Variants in AHCY observed in about 807,000 individuals in gnomAD.
AHCY encodes the protein S-adenosyl-L-homocysteine hydrolase.
AHCY carries 24 observed loss-of-function variants against 45.4 expected under a neutral mutation model. The observed-to-expected ratio is 0.53, with a 90% confidence interval of 0.38 to 0.74. The LOEUF (loss-of-function observed/expected upper bound fraction) is 0.74. Among genes scored for constraint, AHCY ranks in the 30% least tolerant of loss-of-function variants. The pLI is 0.00. For synonymous variants in AHCY, 245 were observed against 235.1 expected, an observed-to-expected ratio of 1.04 and a Z score of -0.39; for missense variants, 449 against 594.1, an observed-to-expected ratio of 0.76 and a Z score of 2.54.
the AHCY span, chr20:34,269,309 T>C: frequency 2.1e-5 from 23 of 1,107,222 alleles, no homozygotes; most frequent in Non-Finnish European, 2.7e-5. Flanking sequence ...AGACCTGGCT[T>C]GGGCTAAAAT....
At chr20:34,236,488 G>C in the AHCY span, among the ~76,000 whole-genome samples, 1 of 152,002 alleles carries the variant, frequency 6.6e-6, no homozygotes, top group Non-Finnish European at 1.5e-5. Flanking sequence ...ACGTTGCAGT[G>C]AGCTGAGATT....
At chr20:34,292,573 T>C (rs2036435574) in intron 3 of AHCY, 66 bp from the exon 4 acceptor site, 1 of 1,609,718 alleles carries the variant, frequency 6.2e-7, no homozygotes, top group Non-Finnish European at 8.5e-7. Context: ...GGAACAACTC[T>C]GGCAGAGCCA....
chr20:34,232,474 C>T, the AHCY span, among the ~76,000 whole-genome samples: 1 of 152,142 alleles, frequency 6.6e-6, no homozygotes, highest in African/African-American at 2.4e-5. Flanking sequence ...TCTCATACAG[C>T]ATAGACCACT....
chr20:34,298,043 G>A (rs1213912715), intron 1 of AHCY, among the ~76,000 whole-genome samples: 3 of 152,144 alleles, frequency 2.0e-5, no homozygotes, highest in African/African-American at 7.2e-5. Flanking sequence ...GGAGGCTGAG[G>A]CAGGAGAATC....
chr20:34,238,235 G>T, the AHCY span, among the ~76,000 whole-genome samples: 1 of 151,966 alleles, frequency 6.6e-6, no homozygotes, highest in Non-Finnish European at 1.5e-5. Flanking sequence ...AATATTCTGG[G>T]TTTTTTTCTC....
chr20:34,250,433 T>C, the AHCY span, among the ~76,000 whole-genome samples: 2 of 152,224 alleles, frequency 1.3e-5, no homozygotes, highest in African/African-American at 4.8e-5. Context: ...CTTGAGTGGC[T>C]GAGGCAGGAG....
chr20:34,257,070 CT>C, the AHCY span, among the ~76,000 whole-genome samples: 45 of 139,364 alleles, frequency 3.2e-4, no homozygotes, highest in Middle Eastern at 3.6e-3. Flanking sequence ...CTTTCTTTCT[CT>C]TTTTTTTTTT....
upstream of AHCY, among the ~76,000 whole-genome samples, chr20:34,306,311 AT>A (rs2036895647): frequency 6.6e-6 from 1 of 151,934 alleles, no homozygotes; most frequent in African/African-American, 2.4e-5. Flanking sequence ...TAGCAGCAGA[AT>A]GTTCTAGCCT....
chr20:34,303,412 C>A, upstream of AHCY: 1 of 1,252,570 alleles, frequency 8.0e-7, no homozygotes. Flanking sequence ...ATATTCATGA[C>A]CCGCTGGGGC....
At position 34,281,053 on chromosome 20, in the gene AHCY, G is replaced by A. The variant is rs377090568; in HGVS notation, c.1280C>T (p.Pro427Leu). ...TGGCTCTCAGTAGCGGTAGTGATCC[G>A]GCTTGAAGGGGCCATCACAGGACAT... is the stretch of plus-strand genomic sequence containing the variant. ...LGMSCDGPFK[P>L]DHYRY The change falls in exon 10 of 10, where the codon CCG becomes CTG. Residue 427 changes from proline (P) to leucine (L), a missense_variant. Pro to Leu is a moderately conservative substitution (Grantham distance 98). Coordinates refer to ENST00000217426, the MANE Select transcript of AHCY (RefSeq NM_000687.4). 31 of 1,614,142 alleles carry A rather than the reference G, an allele frequency of 1.9e-5. No homozygotes were observed. Among genetic ancestry groups the A allele is most frequent in the African/African-American group, 4.0e-5 (3 of 75,038 alleles).
At chr20:34,238,858 T>C in the AHCY span, among the ~76,000 whole-genome samples, 2 of 152,334 alleles carry the variant, frequency 1.3e-5, no homozygotes, top group Middle Eastern at 3.4e-3. Flanking sequence ...TTTATTGTTA[T>C]AGGCTATCTC....
chr20:34,247,370 G>A, the AHCY span, among the ~76,000 whole-genome samples: 4 of 146,004 alleles, frequency 2.7e-5, no homozygotes, highest in East Asian at 2.0e-4. Context: ...GTGTGATCTC[G>A]GCTCACTGCA....
chr20:34,308,884 G>A (rs1689211973), intron 1 of AHCY, among the ~76,000 whole-genome samples: 1 of 150,978 alleles, frequency 6.6e-6, no homozygotes, highest in Non-Finnish European at 1.5e-5. Flanking sequence ...GAACTTCTGA[G>A]CCCAGGTGAT....
the AHCY span, among the ~76,000 whole-genome samples, chr20:34,243,245 G>T: frequency 2.0e-5 from 3 of 152,176 alleles, no homozygotes; most frequent in Non-Finnish European, 2.9e-5. Context: ...CCCTCAGGCA[G>T]TCTGGGCCTG....
chr20:34,256,527 TC>T, the AHCY span, among the ~76,000 whole-genome samples: 2 of 152,084 alleles, frequency 1.3e-5, no homozygotes, highest in African/African-American at 4.8e-5. Context: ...GGTCTCAAAT[TC>T]CTAAGATCAA....
At position 34,295,575 on chromosome 20, in the gene AHCY, G is replaced by A. The variant is rs1368322694; in HGVS notation, c.39C>T (p.Gly13=). The A allele has an allele frequency of 6.2e-7, 1 of 1,614,094 alleles. No individual in the cohort carries two copies. The highest frequency in any genetic ancestry group is 1.7e-4 in the Middle Eastern group (1 of 6,058). ...GGGCCTTGCGTCCCCAGGCAGCCAG[G>A]CCGATGTCGGCTACGGGAGGAAACA... ...DKLPYKVADI[G]LAAWGRKALD... is the part of the protein sequence containing the mutation. The change falls in exon 2 of 10, where the codon GGC becomes GGT. Residue 13 remains glycine, a synonymous_variant. Transcript: ENST00000217426.
intron 4 of AHCY, 133 bp downstream of exon 4, chr20:34,292,225 C>G: frequency 8.0e-7 from 1 of 1,254,442 alleles, no homozygotes; most frequent in Non-Finnish European, 1.1e-6. Flanking sequence ...AATGCCAGAG[C>G]CTGCCATCCT....
chr20:34,295,913 C>T (rs1256983227), intron 1 of AHCY, among the ~76,000 whole-genome samples: 1 of 152,062 alleles, frequency 6.6e-6, no homozygotes, highest in African/African-American at 2.4e-5. Flanking sequence ...TGACACCTAC[C>T]AACCTCCAGG....
chr20:34,252,712 G>A, the AHCY span, among the ~76,000 whole-genome samples: 1 of 152,118 alleles, frequency 6.6e-6, no homozygotes, highest in African/African-American at 2.4e-5. Context: ...TCGGGTTGGG[G>A]GATGGTAAGG....
Sources: gnomAD v4.1 joint callset for allele counts (sites outside exome capture counted in the v4.1 genomes callset) on GRCh38, gnomAD v4.1.1 for gene constraint, MANE v1.5 for transcripts, NCBI Gene and HGNC (gene_info 2026-07-23, HGNC 2026-07-21) for gene names.